SASS6: variants seen among roughly 807,000 people sequenced by gnomAD.
SASS6 encodes the protein spindle assembly abnormal protein 6 homolog.
In SASS6, 59 loss-of-function variants were observed where a neutral mutation model predicts 94.9. That is an observed-to-expected ratio of 0.62 (90% CI 0.50 to 0.77). The LOEUF (loss-of-function observed/expected upper bound fraction) is 0.77. Ranked by LOEUF, SASS6 falls within the 30% of genes least tolerant of loss-of-function variation. The probability of loss-of-function intolerance (pLI) is 0.00; values close to 1 mark genes in which losing one functional copy is unlikely to be tolerated. For synonymous variants in SASS6, 264 were observed against 270.0 expected (o/e 0.98, Z 0.22); for missense variants, 698 against 734.1 (o/e 0.95, Z 0.57).
At chr1:100,127,972 A>G (rs1292308077) in intron 1 of SASS6, among the ~76,000 whole-genome samples, 1 of 152,160 alleles carries the variant, frequency 6.6e-6, no homozygotes, top group African/African-American at 2.4e-5. Flanking sequence ...CCATAGTGGT[A>G]TGATACTGCA....
At chr1:100,129,980 T>C (rs866889638) in intron 1 of SASS6, among the ~76,000 whole-genome samples, 2 of 152,248 alleles carry the variant, frequency 1.3e-5, no homozygotes, top group African/African-American at 4.8e-5. Context: ...ACATTTATTA[T>C]GCTCTAGTCA....
At chr1:100,091,966 C>T (rs1651729822) in intron 14 of SASS6, among the ~76,000 whole-genome samples, 1 of 138,374 alleles carries the variant, frequency 7.2e-6, no homozygotes, top group African/African-American at 2.7e-5. Flanking sequence ...TCTGTTCACA[C>T]CACTGTACTC....
chr1:100,109,822 T>C (rs1653169247), intron 8 of SASS6, among the ~76,000 whole-genome samples: 1 of 151,974 alleles, frequency 6.6e-6, no homozygotes, highest in South Asian at 2.1e-4. Context: ...AATGAGTTAA[T>C]ATATGTAAAG....
intron 13 of SASS6, among the ~76,000 whole-genome samples, chr1:100,105,544 A>G (rs962044618): frequency 6.6e-6 from 1 of 152,068 alleles, no homozygotes; most frequent in African/African-American, 2.4e-5. Context: ...AAACAAAACA[A>G]AACAAAAAAA....
chr1:100,104,783 TAA>T (rs546359132), intron 13 of SASS6, among the ~76,000 whole-genome samples: 148 of 127,158 alleles, frequency 1.2e-3, no homozygotes, highest in Admixed American at 1.3e-3. Context: ...TTTCTCAGGT[TAA>T]AAAAAAAAAA....
chr1:100,094,423 AAAGAG>A (rs1254732641), intron 14 of SASS6, among the ~76,000 whole-genome samples: 4 of 152,256 alleles, frequency 2.6e-5, no homozygotes, highest in African/African-American at 4.8e-5. Flanking sequence ...CCAGAAAATA[AAAGAG>A]AAAAGACAGT....
At chr1:100,103,361 C>G (rs1410861840) in intron 13 of SASS6, among the ~76,000 whole-genome samples, 1 of 152,046 alleles carries the variant, frequency 6.6e-6, no homozygotes, top group Non-Finnish European at 1.5e-5. Context: ...AGCTTCTGAA[C>G]CAACTTGTTT....
chr1:100,131,044 G>A (rs1210736817), intron 1 of SASS6, among the ~76,000 whole-genome samples: 1 of 152,206 alleles, frequency 6.6e-6, no homozygotes, highest in Non-Finnish European at 1.5e-5. Flanking sequence ...AATGTAACCA[G>A]AAAGAGACCA....
intron 1 of SASS6, among the ~76,000 whole-genome samples, chr1:100,132,178 A>G (rs1015024796): frequency 1.3e-5 from 2 of 152,176 alleles, no homozygotes; most frequent in African/African-American, 2.4e-5. Flanking sequence ...CAAGGAGGCA[A>G]TATTTATTGA....
In SASS6 at chr1:100,106,986, T is replaced by C. The variant is rs760408119; in HGVS notation, c.1334A>G (p.Lys445Arg). 1 of 1,361,560 alleles carries C rather than the reference T, an allele frequency of 7.3e-7. No homozygotes were observed. Among genetic ancestry groups the C allele is most frequent in the Non-Finnish European group, 1.0e-6 (1 of 955,138 alleles). The allele number at this position is 1,361,560 out of a possible 1,614,324, so 84.3% of individuals were successfully genotyped here. A position where few individuals can be genotyped will look rare whatever the true frequency, so the allele number is the denominator to read the frequency against. The change falls in exon 12 of 17, where the codon AAA becomes AGA. Residue 445 changes from lysine to arginine, a missense_variant. By Grantham distance (26) the Lys-to-Arg change is conservative. Coordinates refer to ENST00000287482, the MANE Select transcript of SASS6 (RefSeq NM_194292.3). Reference sequence around the variant, plus strand: ...TGTAGCTTCTAATTGTTCTTGTAATTTGCATACCTGAAATATATCAATCAT... The same window carrying C: ...TGTAGCTTCTAATTGTTCTTGTAATCTGCATACCTGAAATATATCAATCAT... ...SLRIKEQEVC[K>R]LQEQLEATVK...
chr1:100,090,956 C>T (rs150652078), intron 14 of SASS6, among the ~76,000 whole-genome samples: 1 of 152,216 alleles, frequency 6.6e-6, no homozygotes, highest in East Asian at 1.9e-4. Flanking sequence ...GCCAAGGTCA[C>T]AGAATAGCAC....
intron 12 of SASS6, 75 bp downstream of exon 12, chr1:100,106,837 G>C: frequency 1.4e-6 from 1 of 696,484 alleles, no homozygotes; most frequent in South Asian, 1.6e-5. Flanking sequence ...CTCGGTGACA[G>C]AGTGAGACCG....
intron 7 of SASS6, among the ~76,000 whole-genome samples, chr1:100,110,952 A>G (rs1653281652): frequency 1.3e-5 from 2 of 152,008 alleles, no homozygotes; most frequent in Non-Finnish European, 2.9e-5. Context: ...AAATTGTAAA[A>G]CGAGCAAGGT....
chr1:100,106,807 T>C (rs1652943439), intron 12 of SASS6, 105 bp downstream of exon 12: 1 of 621,504 alleles, frequency 1.6e-6, no homozygotes, highest in Non-Finnish European at 2.9e-6. Flanking sequence ...TGAGCTGAGA[T>C]CATGCCACTG....
chr1:100,104,094 T>C (rs1041852476), intron 13 of SASS6, among the ~76,000 whole-genome samples: 1 of 152,226 alleles, frequency 6.6e-6, no homozygotes, highest in African/African-American at 2.4e-5. Flanking sequence ...GATAAATGTA[T>C]GACTGGGTAT....
At chr1:100,104,783 T>TA (rs546359132) in intron 13 of SASS6, among the ~76,000 whole-genome samples, 6,333 of 127,264 alleles carry the variant, frequency 0.05, 157 homozygotes, top group African/African-American at 0.061. Context: ...TTTCTCAGGT[T>TA]AAAAAAAAAA....
At chr1:100,087,114 A>G (rs1651345515) in intron 15 of SASS6, among the ~76,000 whole-genome samples, 2 of 152,068 alleles carry the variant, frequency 1.3e-5, no homozygotes, top group Admixed American at 1.3e-4. Context: ...CCTCCTGAGT[A>G]ACTGAGATTA....
At chr1:100,132,697 C>T in intron 1 of SASS6, 53 bp downstream of exon 1, 4 of 1,412,292 alleles carry the variant, frequency 2.8e-6, no homozygotes, top group Non-Finnish European at 4.0e-6. Flanking sequence ...CATCTTTCCC[C>T]ATTGGCCTGA....
intron 1 of SASS6, among the ~76,000 whole-genome samples, chr1:100,132,344 G>A (rs565802704): frequency 6.6e-6 from 1 of 152,198 alleles, no homozygotes; most frequent in Non-Finnish European, 1.5e-5. Flanking sequence ...AGAGAACGAG[G>A]GGGAAAGGCT....
Sources: allele counts gnomAD v4.1 joint callset (sites outside exome capture counted in the v4.1 genomes callset), GRCh38; gene constraint gnomAD v4.1.1; transcripts MANE v1.5; gene names NCBI Gene and HGNC (gene_info 2026-07-23, HGNC 2026-07-21).